The following SRGAP3 variants were observed in gnomAD, a reference collection of about 807,000 sequenced individuals.
The protein encoded by SRGAP3 is SLIT-ROBO Rho GTPase activating protein 3.
A neutral mutation model predicts 121.1 loss-of-function variants in SRGAP3; 39 were observed. That is an observed-to-expected ratio of 0.32 (90% CI 0.25 to 0.42). The LOEUF is 0.42. SRGAP3 is among the 10% of genes least tolerant of loss of function. The pLI is 1.00. For missense variants in SRGAP3, 1,213 were observed against 1,470.6 expected (o/e 0.82, Z 2.86); for synonymous variants, 601 against 570.0 (o/e 1.05, Z -0.77).
At chr3:9,258,049 T>C (rs937680563) in intron 3 of SRGAP3, among the ~76,000 whole-genome samples, 4 of 152,198 alleles carry the variant, frequency 2.6e-5, no homozygotes, top group African/African-American at 9.6e-5. Flanking sequence ...GGCATTGAGA[T>C]ATGCACAATC....
chr3:9,050,457 C>G (rs1574979583), intron 9 of SRGAP3, among the ~76,000 whole-genome samples: 1 of 152,168 alleles, frequency 6.6e-6, no homozygotes, highest in East Asian at 1.9e-4. Flanking sequence ...CTTCAACCAC[C>G]TGAAGAACAA....
chr3:9,115,486 G>C (rs957728072), intron 2 of SRGAP3, among the ~76,000 whole-genome samples: 2 of 152,164 alleles, frequency 1.3e-5, no homozygotes, highest in Non-Finnish European at 2.9e-5. Flanking sequence ...TGCTTTGGTA[G>C]TTGCTGATTA....
rs147723150 is a variant in SRGAP3, at chr3:9,058,104, C to A, written c.1023+147G>T. 6.4e-3 allele frequency: 5,345 copies of A among 835,920 alleles called. 33 individuals carry two copies. The highest frequency in any genetic ancestry group is 0.011 in the Middle Eastern group (32 of 2,910). The allele number at this position is 835,920 out of a possible 1,614,324, so 51.8% of individuals were successfully genotyped here. ...AAGATGAGGGTATTAGTGGTAAACT[C>A]CTCAGCTGGGGAAGCCCATGAACCA... On this transcript the variant is annotated intron_variant, in intron 7 of 21. Transcript: ENST00000383836.
chr3:9,064,545 T>C lies in SRGAP3; in HGVS notation c.523A>G (p.Ile175Val), dbSNP rs1946328813. The change falls in exon 5 of 22, where the codon ATC becomes GTC. Residue 175 changes from isoleucine to valine, a missense_variant. Ile to Val is a conservative substitution (Grantham distance 29, BLOSUM62 3). Coordinates refer to ENST00000383836, the MANE Select transcript of SRGAP3 (RefSeq NM_014850.4). Reference sequence around the variant, plus strand: ...TCCTTCAGCTTGCTTTCCGCACTGATGCTCTCTGCATGGTACATGTGGTAG... The same window carrying C: ...TCCTTCAGCTTGCTTTCCGCACTGACGCTCTCTGCATGGTACATGTGGTAG... ...KTYHMYHAES[I>V]SAESKLKEAE... 6.2e-7 allele frequency: 1 copy of C among 1,614,128 alleles called. No individual in the cohort carries two copies. Among genetic ancestry groups the C allele is most frequent in the Non-Finnish European group, 8.5e-7 (1 of 1,180,032 alleles).
At chr3:9,079,080 C>T (rs1947117664) in intron 4 of SRGAP3, among the ~76,000 whole-genome samples, 1 of 152,222 alleles carries the variant, frequency 6.6e-6, no homozygotes, top group African/African-American at 2.4e-5. Flanking sequence ...TAAAACCAAA[C>T]AGAAGGGGCT....
At chr3:9,317,928 T>G (rs558083786) in intron 3 of SRGAP3, among the ~76,000 whole-genome samples, 2 of 152,268 alleles carry the variant, frequency 1.3e-5, no homozygotes, top group African/African-American at 4.8e-5. Context: ...TACCCACCTA[T>G]GGATACAGGC....
chr3:9,232,733 C>T (rs1026415945), intron 1 of SRGAP3, among the ~76,000 whole-genome samples: 1 of 152,136 alleles, frequency 6.6e-6, no homozygotes, highest in Non-Finnish European at 1.5e-5. Flanking sequence ...CAGGGTCCAC[C>T]CACTGCCCCC....
chr3:9,218,837 T>C lies in SRGAP3; in HGVS notation c.67+30048A>G, dbSNP rs372572673. On this transcript the variant is annotated intron_variant, in intron 1 of 21. Transcript: ENST00000383836. This position sits in a 1 kb window ranked among gnomAD's most constrained non-coding sequence, Gnocchi z 5.3. Reference sequence around the variant, plus strand: ...ACAGGTGTGAACCACCACACCTGGCTAATTTTTGTATTTTTAGTAGAGATG... The same window carrying C: ...ACAGGTGTGAACCACCACACCTGGCCAATTTTTGTATTTTTAGTAGAGATG... Among the ~76,000 whole-genome samples the C allele has an allele frequency of 7.9e-5, 12 of 151,666 alleles. No individual in the cohort carries two copies. The highest frequency in any genetic ancestry group is 5.2e-4 in the Admixed American group (8 of 15,244).
intron 17 of SRGAP3, among the ~76,000 whole-genome samples, chr3:9,012,226 C>T (rs914170791): frequency 6.6e-6 from 1 of 152,196 alleles, no homozygotes; most frequent in African/African-American, 2.4e-5. Flanking sequence ...AATATGCTCA[C>T]AGTACTAAGG....
intron 1 of SRGAP3, among the ~76,000 whole-genome samples, chr3:9,354,506 G>A (rs1036900687): frequency 4.0e-5 from 6 of 151,698 alleles, no homozygotes; most frequent in African/African-American, 7.3e-5. Flanking sequence ...GGTGAAACCC[G>A]GTCTCTACTA....
intron 18 of SRGAP3, among the ~76,000 whole-genome samples, chr3:8,998,928 C>T (rs924497523): frequency 2.0e-5 from 3 of 152,212 alleles, no homozygotes; most frequent in Admixed American, 2.0e-4. Flanking sequence ...GATGAGCTAA[C>T]ATCTGAGCTC....
At chr3:9,273,874 G>A (rs1954526041) in intron 3 of SRGAP3, among the ~76,000 whole-genome samples, 1 of 151,740 alleles carries the variant, frequency 6.6e-6, no homozygotes, top group Admixed American at 6.6e-5. Flanking sequence ...AATGTTCTTG[G>A]CACCCTTGTT....
intron 17 of SRGAP3, among the ~76,000 whole-genome samples, chr3:9,010,667 C>T (rs921904840): frequency 7.9e-5 from 12 of 152,296 alleles, no homozygotes; most frequent in Middle Eastern, 3.4e-3. Flanking sequence ...TCAATGCTTA[C>T]GTGTTCTGTA....
At chr3:9,057,532 A>G (rs1945883068) in intron 7 of SRGAP3, among the ~76,000 whole-genome samples, 1 of 152,136 alleles carries the variant, frequency 6.6e-6, no homozygotes, top group Non-Finnish European at 1.5e-5. Flanking sequence ...ATCTTCTCGG[A>G]TGCCTCCTTG....
intron 1 of SRGAP3, among the ~76,000 whole-genome samples, chr3:9,181,590 T>C (rs1951402953): frequency 6.6e-6 from 1 of 152,212 alleles, no homozygotes; most frequent in Admixed American, 6.5e-5. Context: ...AGGGATGCCC[T>C]CTGCTCCTCA....
At position 8,980,683 on chromosome 3, in the gene SRGAP3, C is replaced by T; in HGVS notation, c.*4836G>A. On this transcript the variant is annotated 3_prime_UTR_variant, in exon 22 of 22. Transcript: ENST00000383836. ...ATACGCGACAGAGGATCCAATCAGA[C>T]ACTCTATAGGACGGGCGTTTGGTCG... 1 of 232,454 alleles carries T rather than the reference C, an allele frequency of 4.3e-6. No homozygotes were observed. Among genetic ancestry groups the T allele is most frequent in the East Asian group, 6.1e-5 (1 of 16,434 alleles). The allele number at this position is 232,454 out of a possible 1,614,324, so 14.4% of individuals were successfully genotyped here. A position where few individuals can be genotyped will look rare whatever the true frequency, so the allele number is the denominator to read the frequency against.
intron 1 of SRGAP3, chr3:9,219,479 G>C (rs1560443665): frequency 6.6e-6 from 1 of 152,178 alleles, no homozygotes. Context: ...GAGGGGGCTT[G>C]AGTAACTTTA....
chr3:9,089,678 C>T (rs1947661893), intron 3 of SRGAP3, among the ~76,000 whole-genome samples: 2 of 152,150 alleles, frequency 1.3e-5, no homozygotes, highest in Non-Finnish European at 2.9e-5. Flanking sequence ...ATAAACCAGA[C>T]ATGGTCATGT....
intron 1 of SRGAP3, among the ~76,000 whole-genome samples, chr3:9,362,418 C>T (rs1378712010): frequency 6.6e-6 from 1 of 150,476 alleles, no homozygotes; most frequent in Non-Finnish European, 1.5e-5. Flanking sequence ...CCCGCCTCAG[C>T]CTCCCAAAGT....
Sources: gnomAD v4.1 joint callset for allele counts (sites outside exome capture counted in the v4.1 genomes callset) on GRCh38, gnomAD v4.1.1 for gene constraint, Gnocchi (gnomAD v3.1) non-coding constraint, MANE v1.5 for transcripts, NCBI Gene and HGNC (gene_info 2026-07-23, HGNC 2026-07-21) for gene names.